The following POLR2B variants were observed in gnomAD, a reference collection of about 807,000 sequenced individuals.
POLR2B encodes RNA polymerase II subunit B, also known as DNA-directed RNA polymerase II subunit RPB2.
A neutral mutation model predicts 144.6 loss-of-function variants in POLR2B; 57 were observed. The ratio of observed to expected loss-of-function variants is 0.39; its 90% confidence interval spans 0.32 to 0.49. The LOEUF is 0.49. Ranked by LOEUF, POLR2B falls within the 20% of genes least tolerant of loss-of-function variation. POLR2B has a pLI of 0.83. For synonymous variants in POLR2B, 442 were observed against 469.8 expected (o/e 0.94, Z 0.77); for missense variants, 595 against 1,467.4 (o/e 0.41, Z 9.71).
chr4:56,994,030 T>C lies in POLR2B; in HGVS notation c.244-374T>C, dbSNP rs377218856. Among the ~76,000 whole-genome samples, 3 of 152,238 alleles carry C rather than the reference T, an allele frequency of 2.0e-5. No homozygotes were observed. In the East Asian group the frequency reaches 5.8e-4, roughly 29 times the overall value. ...ATGTGTACAGTCTTTACTTTTAGTATATTAAGTCTCTTTTTGTCTTCTGCC... is the reference window on the plus strand; with the variant it reads ...ATGTGTACAGTCTTTACTTTTAGTACATTAAGTCTCTTTTTGTCTTCTGCC... On this transcript the variant is annotated intron_variant, in intron 3 of 24. Transcript: ENST00000314595.
Position 56,995,117 on chromosome 4 carries a change from G to C in POLR2B, c.577-134G>C, listed in dbSNP as rs537982251. The C allele has an allele frequency of 4.2e-4, 301 of 722,224 alleles. 3 individuals are homozygous for C. The South Asian group carries it at 6.1e-3, about 15-fold the overall frequency. 44.7% of individuals were successfully genotyped at this position (722,224 alleles called of 1,614,324 possible). On this transcript the variant is annotated intron_variant, in intron 5 of 24. Transcript: ENST00000314595. Reference sequence around the variant, plus strand: ...CTATGAAGCATTTATGCAAAATGGAGTTTGTAAAGTTGAAGAATTAAATAT... The same window carrying C: ...CTATGAAGCATTTATGCAAAATGGACTTTGTAAAGTTGAAGAATTAAATAT...
rs775693045 is a variant in POLR2B, at chr4:57,023,380, C to T, written c.2566C>T (p.Pro856Ser). Reference protein sequence around the residue: ...DKLDDDGLIAPGVRVSGDDVI... With the variant: ...DKLDDDGLIASGVRVSGDDVI... ...GCTGGATGATGATGGTTTGATAGCT[C>T]CAGGGGTTCGTGTATCAGGAGATGA... The change falls in exon 19 of 25, where the codon CCA becomes TCA. Residue 856 changes from proline to serine, a missense_variant. This residue lies in a region of POLR2B where 75 missense variants were observed against 100.0 expected (regional missense o/e 0.75). Coordinates refer to ENST00000314595, the MANE Select transcript of POLR2B (RefSeq NM_000938.3). The surrounding 1 kb of genome is among the most constrained non-coding windows in gnomAD (Gnocchi z 4.3). 1 of 1,613,794 alleles carries T rather than the reference C, an allele frequency of 6.2e-7. No homozygotes were observed. Among genetic ancestry groups the T allele is most frequent in the South Asian group, 1.1e-5 (1 of 91,058 alleles).
intron 1 of POLR2B, 198 bp from the exon 2 acceptor site, chr4:56,986,156 T>G: frequency 1.7e-6 from 1 of 580,032 alleles, no homozygotes; most frequent in Non-Finnish European, 3.1e-6. Context: ...AATAAACCTC[T>G]TTTTATATTG....
At chr4:57,016,485 T>A (rs1400681582) in intron 14 of POLR2B, among the ~76,000 whole-genome samples, 2 of 151,820 alleles carry the variant, frequency 1.3e-5, no homozygotes, top group Non-Finnish European at 2.9e-5. Flanking sequence ...GAGTTTTGAT[T>A]GTACCAGCCT....
rs1281747605 is a variant in POLR2B at position 57,004,402 on chromosome 4, ATTTTTC to A, written c.901-839_901-834del. ...CAGGGTACACGCTGGATAAAAATTT[ATTTTTC>A]TTTTGTAGATTTAGGTTCTCACTTT... is the stretch of plus-strand genomic sequence containing the variant. On this transcript the variant is annotated intron_variant, in intron 7 of 24. Transcript: ENST00000314595. 2.0e-4 allele frequency among the ~76,000 whole-genome samples: 25 copies of A among 122,646 alleles called. No homozygotes were observed. In the East Asian group the frequency reaches 5.5e-3, roughly 27 times the overall value. 80.5% of individuals were successfully genotyped at this position (122,646 alleles called of 152,430 possible). A position where few individuals can be genotyped will look rare whatever the true frequency, so the allele number is the denominator to read the frequency against.
intron 6 of POLR2B, among the ~76,000 whole-genome samples, chr4:56,997,768 T>G (rs1463259671): frequency 6.6e-6 from 1 of 152,172 alleles, no homozygotes; most frequent in Non-Finnish European, 1.5e-5. Flanking sequence ...TTAGTGGATC[T>G]TAACTAAAGG....
At chr4:57,010,123 G>A (rs1420590799) in intron 10 of POLR2B, 1 of 421,426 alleles carries the variant, frequency 2.4e-6, no homozygotes, top group Non-Finnish European at 4.2e-6. Flanking sequence ...TAATGTCCTA[G>A]TGTTTGTTTG....
At chr4:57,022,858 G>T (rs991882001) in intron 18 of POLR2B, among the ~76,000 whole-genome samples, 3 of 152,134 alleles carry the variant, frequency 2.0e-5, no homozygotes, top group African/African-American at 7.2e-5. Context: ...CTTCCATTGG[G>T]TGGCTCTGTG....
In POLR2B at chr4:57,011,155, G is replaced by C. The variant is rs1012707999; in HGVS notation, c.1800+55G>C. ...CTGTGAGATTTTTAAACAAGGCATA[G>C]GACTAGTGAAAGTTATCTTTGCATT... On this transcript the variant is annotated intron_variant, in intron 13 of 24. Coordinates refer to ENST00000314595, the MANE Select transcript of POLR2B (RefSeq NM_000938.3). 2.1e-5 allele frequency: 23 copies of C among 1,076,292 alleles called. 1 individual carries two copies. The highest frequency in any genetic ancestry group is 2.6e-5 in the Non-Finnish European group (18 of 694,772). The allele number at this position is 1,076,292 out of a possible 1,614,324, so 66.7% of individuals were successfully genotyped here.
chr4:57,027,092 T>A (rs1459266526), intron 23 of POLR2B, among the ~76,000 whole-genome samples: 2 of 151,936 alleles, frequency 1.3e-5, no homozygotes, highest in Non-Finnish European at 2.9e-5. Flanking sequence ...CACGGCAACC[T>A]CCGCCTCCCG....
chr4:56,982,763 A>G (rs1236762588), intron 1 of POLR2B, among the ~76,000 whole-genome samples: 1 of 152,120 alleles, frequency 6.6e-6, no homozygotes, highest in Non-Finnish European at 1.5e-5. Context: ...AGGGTATATA[A>G]CAGTGCCATT....
intron 2 of POLR2B, 52 bp downstream of exon 2, chr4:56,986,478 C>A: frequency 1.9e-6 from 2 of 1,029,666 alleles, no homozygotes; most frequent in Non-Finnish European, 3.1e-6. Flanking sequence ...AGATTTCCTG[C>A]TTATTCTTCT....
chr4:57,017,755 T>G lies in POLR2B; in HGVS notation c.2323+27T>G, dbSNP rs756340536. ...TATGGTCAGTTTTGCTCTACGTTAT[T>G]TAAGATCCTTCTGTGCTTAAGGCAC... On this transcript the variant is annotated intron_variant, in intron 16 of 24. Transcript: ENST00000314595. The surrounding 1 kb of genome is among the most constrained non-coding windows in gnomAD (Gnocchi z 4.8). 6.3e-6 allele frequency: 10 copies of G among 1,585,824 alleles called. No individual in the cohort carries two copies. The highest frequency in any genetic ancestry group is 8.6e-6 in the Non-Finnish European group (10 of 1,161,374).
intron 17 of POLR2B, among the ~76,000 whole-genome samples, chr4:57,021,435 A>C (rs1195436095): frequency 1.3e-5 from 2 of 151,648 alleles, no homozygotes; most frequent in African/African-American, 2.4e-5. Flanking sequence ...TGTAGTTTCA[A>C]AGGGTAGCAC....
In POLR2B at chr4:57,003,862, AAAAG is replaced by A. The variant is rs1015003061; in HGVS notation, c.901-1381_901-1378del. On this transcript the variant is annotated intron_variant, in intron 7 of 24. Transcript: ENST00000314595. ...ACTGTGTCTCTTAAAAAAAAAAAGA[AAAAG>A]AAGAAGAAGAAATAGTTGGGTGTGG... 6.6e-5 allele frequency among the ~76,000 whole-genome samples: 10 copies of A among 151,848 alleles called. No homozygotes were observed. The East Asian group carries it at 7.7e-4, about 12-fold the overall frequency.
At chr4:57,019,356 G>C (rs539852429) in intron 16 of POLR2B, among the ~76,000 whole-genome samples, 1 of 151,984 alleles carries the variant, frequency 6.6e-6, no homozygotes, top group African/African-American at 2.4e-5. Flanking sequence ...CTTCATCATG[G>C]CATCTTTATT....
intron 7 of POLR2B, among the ~76,000 whole-genome samples, chr4:57,004,379 G>A (rs1395478489): frequency 4.7e-5 from 7 of 150,252 alleles, no homozygotes; most frequent in South Asian, 2.1e-4. Context: ...TTTACATCCA[G>A]GGTACACGCT....
rs34804702 is a variant in POLR2B, at chr4:57,021,485, CTTTTT to C, written c.2420+507_2420+511del. ...CAGATACTATGGCTTAATGTAAAAA[CTTTTT>C]TTTTTTTTTTTTTTTTGAGACAGAG... On this transcript the variant is annotated intron_variant, in intron 17 of 24. Transcript: ENST00000314595. 4.0e-3 allele frequency among the ~76,000 whole-genome samples: 442 copies of C among 110,338 alleles called. 2 individuals are homozygous for C. The highest frequency in any genetic ancestry group is 0.014 in the African/African-American group (419 of 29,048). 72.4% of individuals were successfully genotyped at this position (110,338 alleles called of 152,430 possible). A position where few individuals can be genotyped will look rare whatever the true frequency, so the allele number is the denominator to read the frequency against.
intron 14 of POLR2B, 110 bp from the exon 15 acceptor site, chr4:57,016,929 TTTAA>T (rs1723387048): frequency 3.6e-6 from 1 of 276,504 alleles, no homozygotes; most frequent in Admixed American, 5.4e-5. Flanking sequence ...TATATGTATA[TTTAA>T]TATATAATAT....
Sources: gnomAD v4.1 joint callset for allele counts (sites outside exome capture counted in the v4.1 genomes callset) on GRCh38, gnomAD v4.1.1 for gene constraint, gnomAD v4.1.1 regional missense constraint, Gnocchi (gnomAD v3.1) non-coding constraint, MANE v1.5 for transcripts, NCBI Gene and HGNC (gene_info 2026-07-23, HGNC 2026-07-21) for gene names.